SLC1A3: variants seen among roughly 807,000 people sequenced by gnomAD.
SLC1A3 encodes excitatory amino acid transporter 1.
SLC1A3 carries 21 observed loss-of-function variants against 48.1 expected under a neutral mutation model. That is an observed-to-expected ratio of 0.44 (90% CI 0.31 to 0.63). The LOEUF is 0.63. Ranked by LOEUF, SLC1A3 falls within the 20% of genes least tolerant of loss-of-function variation. SLC1A3 has a pLI of 0.08. For synonymous variants in SLC1A3, 239 were observed against 251.4 expected (o/e 0.95, Z 0.47); for missense variants, 546 against 689.0 (o/e 0.79, Z 2.32).
intron 3 of SLC1A3, among the ~76,000 whole-genome samples, chr5:36,660,695 T>C (rs556646061): frequency 6.6e-6 from 1 of 152,358 alleles, no homozygotes; most frequent in East Asian, 1.9e-4. Context: ...TTGGCTCTGG[T>C]AGCTGAGAGA....
chr5:36,640,990 TAC>T (rs145725270), intron 3 of SLC1A3, among the ~76,000 whole-genome samples: 23 of 149,368 alleles, frequency 1.5e-4, no homozygotes, highest in Middle Eastern at 3.4e-3. Flanking sequence ...CACACACACA[TAC>T]ACACACACAC....
intron 2 of SLC1A3, among the ~76,000 whole-genome samples, chr5:36,614,165 C>G (rs1418255849): frequency 6.6e-6 from 1 of 152,210 alleles, no homozygotes; most frequent in South Asian, 2.1e-4. Context: ...CCCAGTTCTG[C>G]TATGCACAAG....
intron 2 of SLC1A3, among the ~76,000 whole-genome samples, chr5:36,626,139 G>A (rs1372384066): frequency 1.3e-5 from 2 of 152,120 alleles, no homozygotes; most frequent in African/African-American, 4.8e-5. Context: ...GAGGAGAGAA[G>A]GTAGTAGAAC....
At chr5:36,656,206 C>G (rs1410584392) in intron 3 of SLC1A3, among the ~76,000 whole-genome samples, 1 of 152,076 alleles carries the variant, frequency 6.6e-6, no homozygotes, top group African/African-American at 2.4e-5. Context: ...CTTGTTATTC[C>G]TTCTGAAAGG....
intron 3 of SLC1A3, among the ~76,000 whole-genome samples, chr5:36,670,238 G>T (rs1046747994): frequency 6.6e-5 from 10 of 152,170 alleles, no homozygotes; most frequent in African/African-American, 2.2e-4. Flanking sequence ...GCCTGAGGCA[G>T]ACTTTGAAGA....
chr5:36,684,034 A>G lies in SLC1A3; in HGVS notation c.1424+36A>G, dbSNP rs374838672. ...TTGGCCTGCATTCCAGCTCACTGTC[A>G]CAGGGTCCCCCTCTGTCACTCTAGG... On this transcript the variant is annotated intron_variant, in intron 9 of 9. Coordinates refer to ENST00000265113, the MANE Select transcript of SLC1A3 (RefSeq NM_004172.5). The G allele has an allele frequency of 2.8e-5, 45 of 1,613,716 alleles. No homozygotes were observed. The African/African-American group carries it at 5.9e-4, about 21-fold the overall frequency.
intron 2 of SLC1A3, chr5:36,609,350 T>C: frequency 1.4e-6 from 1 of 724,920 alleles, no homozygotes; most frequent in Non-Finnish European, 1.7e-6. Flanking sequence ...AAAATATAGC[T>C]GAAAAAACCT....
At chr5:36,599,529 A>T (rs2731876) in intron 1 of SLC1A3, among the ~76,000 whole-genome samples, 1 of 95,188 alleles carries the variant, frequency 1.1e-5, no homozygotes, top group Non-Finnish European at 2.2e-5. Context: ...TTTTTTTTTG[A>T]GACGGAGTCT....
intron 3 of SLC1A3, among the ~76,000 whole-genome samples, chr5:36,632,171 G>T (rs1023126294): frequency 3.9e-5 from 6 of 152,220 alleles, no homozygotes; most frequent in Non-Finnish European, 2.9e-5. Flanking sequence ...ATGGCAAAAG[G>T]CAGGCAAAGA....
At chr5:36,646,860 G>T (rs1331739408) in intron 3 of SLC1A3, among the ~76,000 whole-genome samples, 1 of 152,176 alleles carries the variant, frequency 6.6e-6, no homozygotes, top group Non-Finnish European at 1.5e-5. Flanking sequence ...TTGAGGAAAG[G>T]ATTCCTCACA....
chr5:36,600,663 G>A (rs142226367), intron 1 of SLC1A3, among the ~76,000 whole-genome samples: 11 of 152,228 alleles, frequency 7.2e-5, no homozygotes, highest in South Asian at 6.2e-4. Context: ...GCCTCATAAG[G>A]CAATGGGAAT....
chr5:36,674,035 T>C lies in SLC1A3; in HGVS notation c.525-14T>C, dbSNP rs1239101792. The C allele has an allele frequency of 1.2e-6, 2 of 1,612,110 alleles. No individual in the cohort carries two copies. Among genetic ancestry groups the C allele is most frequent in the Non-Finnish European group, 1.7e-6 (2 of 1,178,262 alleles). ...CTTGGAAAATTTTGCAAGTGACTAT[T>C]ACTTTCTTTGCAGGAACATGTTCCC... On this transcript the variant is annotated splice_polypyrimidine_tract_variant and intron_variant, in intron 4 of 9. Coordinates refer to ENST00000265113, the MANE Select transcript of SLC1A3 (RefSeq NM_004172.5).
chr5:36,672,640 G>A lies in SLC1A3; in HGVS notation c.524+1407G>A, dbSNP rs142403779. On this transcript the variant is annotated intron_variant, in intron 4 of 9. Coordinates refer to ENST00000265113, the MANE Select transcript of SLC1A3 (RefSeq NM_004172.5). ...AGCCAAGAGAGATTTGGGGAGCAGA[G>A]GGTACCTTCAGCAGCACCTCTCAAT... Among the ~76,000 whole-genome samples the A allele has an allele frequency of 4.0e-3, 603 of 152,272 alleles. 1 individual carries two copies. Among genetic ancestry groups the A allele is most frequent in the Non-Finnish European group, 6.1e-3 (416 of 68,008 alleles).
intron 1 of SLC1A3, among the ~76,000 whole-genome samples, chr5:36,607,548 C>T (rs2364932): frequency 0.85 from 129,589 of 152,250 alleles, 55,402 homozygotes; most frequent in African/African-American, 0.93. Context: ...AATTTTAAAA[C>T]GCTAAAAAGT....
chr5:36,665,310 C>G (rs1741695066), intron 3 of SLC1A3, among the ~76,000 whole-genome samples: 1 of 152,036 alleles, frequency 6.6e-6, no homozygotes, highest in Non-Finnish European at 1.5e-5. Context: ...ATTATTGAGC[C>G]CCTCTATGTG....
intron 8 of SLC1A3, among the ~76,000 whole-genome samples, chr5:36,681,690 A>G (rs559007881): frequency 6.6e-6 from 1 of 152,358 alleles, no homozygotes; most frequent in Non-Finnish European, 1.5e-5. Flanking sequence ...ACGCATGTGC[A>G]TGTGCAAATA....
intron 3 of SLC1A3, among the ~76,000 whole-genome samples, chr5:36,648,639 G>A (rs999711652): frequency 3.9e-5 from 6 of 152,268 alleles, no homozygotes; most frequent in South Asian, 4.1e-4. Flanking sequence ...AACTTCTCAC[G>A]TGTACAGATA....
intron 2 of SLC1A3, among the ~76,000 whole-genome samples, chr5:36,623,522 A>G (rs995734593): frequency 3.0e-4 from 46 of 152,154 alleles, no homozygotes; most frequent in African/African-American, 1.1e-3. Flanking sequence ...CCACTAATGA[A>G]GCTCAGTTTT....
At chr5:36,676,808 C>A in intron 5 of SLC1A3, 84 bp from the exon 6 acceptor site, 1 of 1,045,352 alleles carries the variant, frequency 9.6e-7, no homozygotes, top group Non-Finnish European at 1.4e-6. Context: ...TAACAGTAAT[C>A]ATTTTAGAAA....
Sources: gnomAD v4.1 joint callset for allele counts (sites outside exome capture counted in the v4.1 genomes callset) on GRCh38, gnomAD v4.1.1 for gene constraint, MANE v1.5 for transcripts, NCBI Gene and HGNC (gene_info 2026-07-23, HGNC 2026-07-21) for gene names.